The following MSRA variants were observed in gnomAD, a reference collection of about 807,000 sequenced individuals.
MSRA encodes the protein mitochondrial peptide methionine sulfoxide reductase.
Under a neutral mutation model 31.3 loss-of-function variants are expected in MSRA, and 54 were observed. The observed-to-expected ratio is 1.73, with a 90% confidence interval of 1.39 to 2.17. The LOEUF is 2.17. MSRA is among the 30% of genes most tolerant of loss of function. The probability of loss-of-function intolerance (pLI) is 0.00; values close to 1 mark genes in which losing one functional copy is unlikely to be tolerated. For missense variants in MSRA, 507 were observed against 300.9 expected (o/e 1.69, Z -5.07); for synonymous variants, 169 against 116.5 (o/e 1.45, Z -2.90).
chr8:10,136,936 C>G (rs545219457), intron 1 of MSRA, among the ~76,000 whole-genome samples: 1 of 152,354 alleles, frequency 6.6e-6, no homozygotes, highest in South Asian at 2.1e-4. Context: ...AATAGTCTGT[C>G]AAACACCTCT....
chr8:10,196,692 G>A (rs186157277), intron 1 of MSRA, among the ~76,000 whole-genome samples: 353 of 152,102 alleles, frequency 2.3e-3, no homozygotes, highest in Admixed American at 5.2e-3. Context: ...TGGAATTACA[G>A]GGATGCACCA....
intron 1 of MSRA, among the ~76,000 whole-genome samples, chr8:10,099,975 C>A (rs1799426626): frequency 6.6e-6 from 1 of 152,142 alleles, no homozygotes; most frequent in African/African-American, 2.4e-5. Context: ...CTTTTGAGGG[C>A]AGGACAAAGG....
intron 1 of MSRA, among the ~76,000 whole-genome samples, chr8:10,118,565 C>A (rs1319074909): frequency 6.6e-6 from 1 of 152,134 alleles, no homozygotes; most frequent in African/African-American, 2.4e-5. Context: ...TTCTTCAGAA[C>A]CTGACCCCAA....
chr8:10,372,943 C>T (rs1805559170), intron 5 of MSRA, among the ~76,000 whole-genome samples: 1 of 152,226 alleles, frequency 6.6e-6, no homozygotes, highest in Admixed American at 6.5e-5. Context: ...GGATGGAGTG[C>T]AGTGCTGCGA....
At chr8:10,198,767 G>A (rs549654454) in intron 1 of MSRA, among the ~76,000 whole-genome samples, 59 of 152,190 alleles carry the variant, frequency 3.9e-4, no homozygotes, top group African/African-American at 1.3e-3. Context: ...GGGACCACAG[G>A]TGCACACCAC....
intron 3 of MSRA, among the ~76,000 whole-genome samples, chr8:10,289,957 G>T (rs542109839): frequency 6.6e-6 from 1 of 152,334 alleles, no homozygotes; most frequent in African/African-American, 2.4e-5. Flanking sequence ...AGTTCCCAAA[G>T]TGCTTTGTGC....
intron 3 of MSRA, among the ~76,000 whole-genome samples, chr8:10,260,313 G>T (rs942340212): frequency 6.6e-6 from 1 of 152,200 alleles, no homozygotes; most frequent in African/African-American, 2.4e-5. Context: ...GCCAGTGACA[G>T]GGGCACGGCA....
intron 3 of MSRA, 81 bp from the exon 4 acceptor site, chr8:10,301,453 G>C: frequency 9.3e-7 from 1 of 1,075,356 alleles, no homozygotes; most frequent in Non-Finnish European, 1.4e-6. Flanking sequence ...GCTTTTGTCT[G>C]TTGTTTTTTT....
chr8:10,107,549 A>T (rs187332466), intron 1 of MSRA, among the ~76,000 whole-genome samples: 34 of 152,306 alleles, frequency 2.2e-4, no homozygotes, highest in African/African-American at 7.9e-4. Context: ...ATGCTTTTCA[A>T]TAACAGATCA....
At chr8:10,405,726 C>T (rs1293564912) in intron 5 of MSRA, among the ~76,000 whole-genome samples, 1 of 151,228 alleles carries the variant, frequency 6.6e-6, no homozygotes, top group Non-Finnish European at 1.5e-5. Context: ...CTCACACACA[C>T]AATCACACAC....
intron 3 of MSRA, among the ~76,000 whole-genome samples, chr8:10,268,315 T>A: frequency 6.6e-6 from 1 of 152,170 alleles, no homozygotes; most frequent in East Asian, 1.9e-4. Context: ...ACTCCAGACA[T>A]TTGGGTAGAA....
At chr8:10,103,337 T>A (rs1799658622) in intron 1 of MSRA, among the ~76,000 whole-genome samples, 1 of 152,210 alleles carries the variant, frequency 6.6e-6, no homozygotes, top group Non-Finnish European at 1.5e-5. Flanking sequence ...GGACAGATCT[T>A]AAAGATGATG....
At chr8:10,062,696 G>T (rs559893939) in intron 1 of MSRA, among the ~76,000 whole-genome samples, 2 of 152,290 alleles carry the variant, frequency 1.3e-5, no homozygotes, top group Admixed American at 1.3e-4. Flanking sequence ...AAGCATCGGG[G>T]TTTGGGGGCT....
At chr8:10,256,985 A>T (rs1563276873) in intron 3 of MSRA, among the ~76,000 whole-genome samples, 2 of 152,178 alleles carry the variant, frequency 1.3e-5, no homozygotes, top group African/African-American at 4.8e-5. Context: ...CCTTCATAAT[A>T]GCTCAGTGAA....
intron 2 of MSRA, among the ~76,000 whole-genome samples, chr8:10,237,440 A>G (rs1378920630): frequency 1.3e-5 from 2 of 152,262 alleles, no homozygotes; most frequent in Non-Finnish European, 2.9e-5. Context: ...GTCCAAACCA[A>G]ATTACTAATA....
intron 1 of MSRA, among the ~76,000 whole-genome samples, chr8:10,121,286 G>T (rs1585195146): frequency 1.3e-5 from 2 of 152,176 alleles, no homozygotes; most frequent in Admixed American, 6.5e-5. Context: ...TAACTTGGCA[G>T]GGGAACGGGA....
chr8:10,370,952 T>C (rs1446792296), intron 5 of MSRA, among the ~76,000 whole-genome samples: 1 of 152,162 alleles, frequency 6.6e-6, no homozygotes, highest in Non-Finnish European at 1.5e-5. Context: ...GGGCAGGTCA[T>C]GAGAAGACGT....
chr8:10,378,169 G>T (rs1362866620), intron 5 of MSRA, among the ~76,000 whole-genome samples: 1 of 152,220 alleles, frequency 6.6e-6, no homozygotes, highest in Non-Finnish European at 1.5e-5. Flanking sequence ...TCTAGTCTCA[G>T]CTCTGCCACA....
intron 3 of MSRA, among the ~76,000 whole-genome samples, chr8:10,276,344 A>G (rs2129104076): frequency 6.6e-6 from 1 of 152,288 alleles, no homozygotes; most frequent in South Asian, 2.1e-4. Flanking sequence ...TGTAATTGTT[A>G]CAGGGCCCTT....
Sources: gnomAD v4.1 joint callset for allele counts (sites outside exome capture counted in the v4.1 genomes callset) on GRCh38, gnomAD v4.1.1 for gene constraint, MANE v1.5 for transcripts, NCBI Gene and HGNC (gene_info 2026-07-23, HGNC 2026-07-21) for gene names.